The following CEP170 variants were observed in gnomAD, a reference collection of about 807,000 sequenced individuals.
CEP170 encodes the protein centrosomal protein of 170 kDa.
A neutral mutation model predicts 151.9 loss-of-function variants in CEP170; 21 were observed. That is an observed-to-expected ratio of 0.14 (90% CI 0.10 to 0.20). The LOEUF is 0.20. Ranked by LOEUF, CEP170 falls within the 10% of genes least tolerant of loss-of-function variation. The pLI is 1.00. For missense variants in CEP170, 964 were observed against 1,892.9 expected (o/e 0.51, Z 9.11); for synonymous variants, 356 against 648.8 (o/e 0.55, Z 6.86).
At chr1:243,224,428 T>C (rs1459517320) in intron 2 of CEP170, among the ~76,000 whole-genome samples, 1 of 149,686 alleles carries the variant, frequency 6.7e-6, no homozygotes, top group African/African-American at 2.5e-5. Flanking sequence ...ACACATAAAA[T>C]ACACTAACAA....
intron 7 of CEP170, among the ~76,000 whole-genome samples, chr1:243,198,199 C>A (rs2060789049): frequency 6.6e-6 from 1 of 152,092 alleles, no homozygotes; most frequent in African/African-American, 2.4e-5. Context: ...ATCTCAAAAA[C>A]TGGCTGCTCC....
chr1:243,171,558 G>T (rs1003474113), intron 11 of CEP170, among the ~76,000 whole-genome samples: 5 of 151,940 alleles, frequency 3.3e-5, no homozygotes, highest in African/African-American at 9.7e-5. Flanking sequence ...AATATAGCAT[G>T]AGTCAGAGAA....
At chr1:243,243,203 G>A (rs955898100) in intron 1 of CEP170, among the ~76,000 whole-genome samples, 6 of 152,068 alleles carry the variant, frequency 3.9e-5, no homozygotes, top group Middle Eastern at 3.2e-3. Flanking sequence ...CAGCCTGGGC[G>A]ACAGAGTGAG....
intron 4 of CEP170, among the ~76,000 whole-genome samples, chr1:243,204,583 G>A (rs2148862313): frequency 6.6e-6 from 1 of 152,218 alleles, no homozygotes; most frequent in Middle Eastern, 3.4e-3. Context: ...CACAAAATGT[G>A]GAAACCATAC....
chr1:243,212,262 C>T (rs1315304253), intron 3 of CEP170, among the ~76,000 whole-genome samples: 4 of 152,114 alleles, frequency 2.6e-5, no homozygotes, highest in East Asian at 1.9e-4. Flanking sequence ...GCTGGCAAAC[C>T]GCAAAGGGTA....
intron 19 of CEP170, among the ~76,000 whole-genome samples, chr1:243,127,637 C>A (rs1423776588): frequency 6.6e-6 from 1 of 152,018 alleles, no homozygotes; most frequent in South Asian, 2.1e-4. Flanking sequence ...TATGATTATT[C>A]GATAGATAAA....
At chr1:243,136,032 C>T (rs1262922859) in intron 17 of CEP170, 111 bp downstream of exon 17, 9 of 1,525,432 alleles carry the variant, frequency 5.9e-6, no homozygotes, top group Non-Finnish European at 7.9e-6. Flanking sequence ...TACTTTGGGA[C>T]AAATTTTTCC....
chr1:243,169,460 T>C, intron 12 of CEP170, 168 bp downstream of exon 12: 1 of 1,311,402 alleles, frequency 7.6e-7, no homozygotes, highest in Non-Finnish European at 1.0e-6. Flanking sequence ...AATATGTGAA[T>C]ATGTTTATTT....
chr1:243,230,828 G>A (rs1020964806), intron 1 of CEP170, among the ~76,000 whole-genome samples: 41 of 152,180 alleles, frequency 2.7e-4, no homozygotes, highest in African/African-American at 9.1e-4. Flanking sequence ...TGACAGAAAA[G>A]TATTTGAAGT....
At chr1:243,187,171 A>G (rs571373479) in intron 8 of CEP170, among the ~76,000 whole-genome samples, 2 of 152,208 alleles carry the variant, frequency 1.3e-5, no homozygotes, top group Non-Finnish European at 2.9e-5. Flanking sequence ...ATGGTGCTCA[A>G]TATAACCAGC....
chr1:243,186,873 A>G (rs987811331), intron 8 of CEP170, among the ~76,000 whole-genome samples: 12 of 152,260 alleles, frequency 7.9e-5, no homozygotes, highest in Admixed American at 6.5e-4. Context: ...AAATGAGAAC[A>G]TAAGTATGGT....
intron 1 of CEP170, among the ~76,000 whole-genome samples, chr1:243,242,815 C>G (rs2064988910): frequency 6.6e-6 from 1 of 152,160 alleles, no homozygotes; most frequent in Non-Finnish European, 1.5e-5. Context: ...ATTCTCCTAC[C>G]TCAGCCTCCC....
At position 243,136,127 on chromosome 1, in the gene CEP170, C is replaced by G. The variant is rs2055048085; in HGVS notation, c.4319+16G>C. On this transcript the variant is annotated intron_variant, in intron 17 of 19. Transcript: ENST00000366542. ...AAGTGAGGTGATATTAAAGTTAAAG[C>G]TATATGTACATGTACCTGATCTTTC... is the stretch of plus-strand genomic sequence containing the variant. 1 of 1,481,186 alleles carries G rather than the reference C, an allele frequency of 6.8e-7. No homozygotes were observed. The highest frequency in any genetic ancestry group is 1.3e-5 in the South Asian group (1 of 77,842). The allele number at this position is 1,481,186 out of a possible 1,614,324, so 91.8% of individuals were successfully genotyped here.
At chr1:243,192,793 T>C (rs1183900279) in intron 7 of CEP170, among the ~76,000 whole-genome samples, 24 of 152,192 alleles carry the variant, frequency 1.6e-4, no homozygotes, top group Non-Finnish European at 3.1e-4. Context: ...GCTTTTAGGT[T>C]ACAGAAGAAT....
chr1:243,177,655 C>T (rs559046611), intron 10 of CEP170, among the ~76,000 whole-genome samples: 2 of 152,170 alleles, frequency 1.3e-5, no homozygotes, highest in South Asian at 2.1e-4. Context: ...CCACTAGTGT[C>T]AAGGAACTAA....
At chr1:243,253,052 A>G (rs2066089955) in intron 1 of CEP170, 1 of 152,214 alleles carries the variant, frequency 6.6e-6, no homozygotes, top group African/African-American at 2.4e-5. Flanking sequence ...GTTGATCATC[A>G]TACTATTATA....
chr1:243,234,024 T>G (rs918458840), intron 1 of CEP170, among the ~76,000 whole-genome samples: 1 of 152,104 alleles, frequency 6.6e-6, no homozygotes, highest in Non-Finnish European at 1.5e-5. Context: ...TACAATTACT[T>G]GAGCTAAAAC....
At chr1:243,232,812 G>A (rs2149073426) in intron 1 of CEP170, among the ~76,000 whole-genome samples, 1 of 152,322 alleles carries the variant, frequency 6.6e-6, no homozygotes, top group Middle Eastern at 3.4e-3. Context: ...AGACATGGAT[G>A]GTGACGGTAG....
intron 1 of CEP170, among the ~76,000 whole-genome samples, chr1:243,243,453 C>T (rs563404343): frequency 1.3e-5 from 2 of 152,172 alleles, no homozygotes; most frequent in East Asian, 3.9e-4. Context: ...CCCTAAATAG[C>T]TCTTTAGCTT....
Sources: allele counts gnomAD v4.1 joint callset (sites outside exome capture counted in the v4.1 genomes callset), GRCh38; gene constraint gnomAD v4.1.1; transcripts MANE v1.5; gene names NCBI Gene and HGNC (gene_info 2026-07-23, HGNC 2026-07-21).